NOS1AP: variants seen among roughly 807,000 people sequenced by gnomAD.
NOS1AP encodes the protein nitric oxide synthase 1 adaptor protein, also known as carboxyl-terminal PDZ ligand of neuronal nitric oxide synthase protein.
Under a neutral mutation model 56.2 loss-of-function variants are expected in NOS1AP, and 21 were observed. That is an observed-to-expected ratio of 0.37 (90% CI 0.26 to 0.54). The LOEUF (loss-of-function observed/expected upper bound fraction) is 0.54. Ranked by LOEUF, NOS1AP falls within the 20% of genes least tolerant of loss-of-function variation. The pLI is 0.84. For missense variants in NOS1AP, 522 were observed against 657.8 expected (o/e 0.79, Z 2.26); for synonymous variants, 270 against 274.6 (o/e 0.98, Z 0.17).
chr1:162,315,093 A>G lies in NOS1AP; in HGVS notation c.344+14387A>G, dbSNP rs544233846. ...GAGGATTCGCTTAGGAGGGACCTTT[A>G]TGTTACCCTCAGTGTCCTTGGAATC... On this transcript the variant is annotated intron_variant, in intron 4 of 9. Coordinates refer to ENST00000361897, the MANE Select transcript of NOS1AP (RefSeq NM_014697.3). Among the ~76,000 whole-genome samples, 5 of 152,332 alleles carry G rather than the reference A, an allele frequency of 3.3e-5. No homozygotes were observed. In the South Asian group the frequency reaches 1.0e-3, roughly 32 times the overall value.
At chr1:162,099,327 A>G (rs974663165) in intron 1 of NOS1AP, among the ~76,000 whole-genome samples, 5 of 151,832 alleles carry the variant, frequency 3.3e-5, no homozygotes, top group Non-Finnish European at 5.9e-5. Context: ...AGCTGGGACT[A>G]CAGGCGCCTG....
chr1:162,174,609 GT>G (rs1328370243), intron 2 of NOS1AP, among the ~76,000 whole-genome samples: 1 of 152,036 alleles, frequency 6.6e-6, no homozygotes, highest in Non-Finnish European at 1.5e-5. Context: ...ACAGTTTTAG[GT>G]TTACAGAATT....
At chr1:162,155,624 G>T (rs1168748804) in intron 2 of NOS1AP, among the ~76,000 whole-genome samples, 1 of 151,934 alleles carries the variant, frequency 6.6e-6, no homozygotes, top group Non-Finnish European at 1.5e-5. Context: ...CATTCTCGCT[G>T]GTATACATGG....
At chr1:162,258,688 A>G (rs1470017670) in intron 2 of NOS1AP, among the ~76,000 whole-genome samples, 2 of 152,170 alleles carry the variant, frequency 1.3e-5, no homozygotes, top group African/African-American at 4.8e-5. Context: ...TCTGACAGCC[A>G]TTGGCATTCA....
intron 1 of NOS1AP, among the ~76,000 whole-genome samples, chr1:162,109,476 T>G (rs1188316959): frequency 6.6e-5 from 10 of 152,168 alleles, no homozygotes; most frequent in Admixed American, 2.6e-4. Context: ...GATTTGTTTT[T>G]AAAATAAAGG....
At chr1:162,362,444 CAAAAAA>C (rs11314295) in intron 8 of NOS1AP, among the ~76,000 whole-genome samples, 76,401 of 135,430 alleles carry the variant, frequency 0.56, 20,066 homozygotes, top group East Asian at 0.69. Flanking sequence ...GAGTGAGTCT[CAAAAAA>C]AAAAAAAAAA....
chr1:162,127,760 C>T (rs567546261), intron 1 of NOS1AP, among the ~76,000 whole-genome samples: 2 of 152,128 alleles, frequency 1.3e-5, no homozygotes, highest in African/African-American at 4.8e-5. Context: ...AGGACAGTAC[C>T]AAATGGAATG....
chr1:162,268,872 A>T (rs1363959842), intron 2 of NOS1AP, among the ~76,000 whole-genome samples: 1 of 152,200 alleles, frequency 6.6e-6, no homozygotes, highest in Non-Finnish European at 1.5e-5. Context: ...AAATTAGAGA[A>T]TCAATCTAGG....
chr1:162,178,247 C>T (rs532071063), intron 2 of NOS1AP, among the ~76,000 whole-genome samples: 1 of 152,024 alleles, frequency 6.6e-6, no homozygotes, highest in Non-Finnish European at 1.5e-5. Context: ...ATTCATTCAC[C>T]TACTGAAGGA....
intron 1 of NOS1AP, among the ~76,000 whole-genome samples, chr1:162,099,127 C>T (rs1692315985): frequency 6.6e-6 from 1 of 152,094 alleles, no homozygotes; most frequent in South Asian, 2.1e-4. Flanking sequence ...TATACTCTCA[C>T]TAACAGTGTA....
At chr1:162,331,925 T>G (rs1014349637) in intron 4 of NOS1AP, among the ~76,000 whole-genome samples, 2 of 152,184 alleles carry the variant, frequency 1.3e-5, no homozygotes, top group African/African-American at 4.8e-5. Context: ...TGTTCCTACC[T>G]CTGCCCACCC....
chr1:162,191,736 CTT>C (rs143546194), intron 2 of NOS1AP, among the ~76,000 whole-genome samples: 5,248 of 152,246 alleles, frequency 0.034, 141 homozygotes, highest in Non-Finnish European at 0.049. Flanking sequence ...TAGTTGACCT[CTT>C]TGTGTTTGTC....
At chr1:162,080,455 T>A (rs1171157192) in intron 1 of NOS1AP, among the ~76,000 whole-genome samples, 1 of 152,098 alleles carries the variant, frequency 6.6e-6, no homozygotes, top group East Asian at 1.9e-4. Flanking sequence ...CAGCGTTGAG[T>A]ATTGAATAAG....
chr1:162,335,051 T>C (rs1400784155), intron 5 of NOS1AP, among the ~76,000 whole-genome samples: 1 of 152,210 alleles, frequency 6.6e-6, no homozygotes, highest in Non-Finnish European at 1.5e-5. Flanking sequence ...CAGTGCTCAC[T>C]TGGAACTTTG....
At chr1:162,182,739 G>A (rs901451552) in intron 2 of NOS1AP, among the ~76,000 whole-genome samples, 1 of 152,130 alleles carries the variant, frequency 6.6e-6, no homozygotes, top group African/African-American at 2.4e-5. Flanking sequence ...TCCCTAAGAA[G>A]CAACTCCTCA....
intron 2 of NOS1AP, 48 bp from the exon 3 acceptor site, chr1:162,287,296 C>A: frequency 7.4e-7 from 1 of 1,358,612 alleles, no homozygotes; most frequent in Non-Finnish European, 1.1e-6. Flanking sequence ...TATAGATGCA[C>A]TGATCTCATC....
At chr1:162,211,995 G>C (rs966865640) in intron 2 of NOS1AP, among the ~76,000 whole-genome samples, 6 of 152,248 alleles carry the variant, frequency 3.9e-5, no homozygotes, top group African/African-American at 1.2e-4. Context: ...AGACTACTTA[G>C]TGACAGAATC....
chr1:162,290,239 G>A (rs1655244956), intron 3 of NOS1AP, among the ~76,000 whole-genome samples: 1 of 152,200 alleles, frequency 6.6e-6, no homozygotes, highest in Non-Finnish European at 1.5e-5. Context: ...TGGGAAAAGG[G>A]AGCTGCCCAT....
intron 1 of NOS1AP, among the ~76,000 whole-genome samples, chr1:162,092,121 C>A (rs541634492): frequency 1.3e-5 from 2 of 152,316 alleles, no homozygotes; most frequent in South Asian, 4.1e-4. Flanking sequence ...CCTGAACTCT[C>A]CCAGGCCACA....
Sources: gnomAD v4.1 joint callset for allele counts (sites outside exome capture counted in the v4.1 genomes callset) on GRCh38, gnomAD v4.1.1 for gene constraint, MANE v1.5 for transcripts, NCBI Gene and HGNC (gene_info 2026-07-23, HGNC 2026-07-21) for gene names.